The following PIEZO1 variants were observed in gnomAD, a reference collection of about 807,000 sequenced individuals.
PIEZO1 encodes piezo type mechanosensitive ion channel component 1 (Er blood group).
PIEZO1 carries 296 observed loss-of-function variants against 297.2 expected under a neutral mutation model. The ratio of observed to expected loss-of-function variants is 1.00; its 90% CI spans 0.91 to 1.10. The LOEUF (loss-of-function observed/expected upper bound fraction) is 1.10. PIEZO1 is among the 50% of genes least tolerant of loss of function. PIEZO1 has a pLI of 0.00. For missense variants in PIEZO1, 5,018 were observed against 3,455.5 expected (o/e 1.45, Z -11.34); for synonymous variants, 2,427 against 1,507.5 (o/e 1.61, Z -14.13).
At chr16:88,778,547 C>T (rs1163404020) in intron 1 of PIEZO1, among the ~76,000 whole-genome samples, 2 of 152,210 alleles carry the variant, frequency 1.3e-5, no homozygotes, top group African/African-American at 2.4e-5. Context: ...GGCGGGGAAT[C>T]GGGTGGCCAC....
Position 88,785,069 on chromosome 16 carries a change from C to T in PIEZO1, c.-105G>A, listed in dbSNP as rs528241918. On this transcript the variant is annotated 5_prime_UTR_variant, in exon 1 of 51. Coordinates refer to ENST00000301015, the MANE Select transcript of PIEZO1 (RefSeq NM_001142864.4). ...GCGCCATGGCTGACCCGCGGGGACC[C>T]GCGCGCCGCCTTCTCCTCTTCCTCC... 2,119 of 612,084 alleles carry T rather than the reference C, an allele frequency of 3.5e-3. 31 individuals are homozygous for T. In the African/African-American group the frequency reaches 0.036, roughly 10 times the overall value. 37.9% of individuals were successfully genotyped at this position (612,084 alleles called of 1,614,324 possible).
At chr16:88,725,264 A>G (rs542265551) in intron 29 of PIEZO1, among the ~76,000 whole-genome samples, 152 bp downstream of exon 29, 1 of 152,300 alleles carries the variant, frequency 6.6e-6, no homozygotes, top group African/African-American at 2.4e-5. Context: ...CAGGGCGGCC[A>G]TGGGGCCTGC....
In PIEZO1 at chr16:88,736,200, C is replaced by A. The variant is rs767779703; in HGVS notation, c.1505G>T (p.Arg502Leu). ...GCGGGTGTGCTCCAGCCCCAGCTGG[C>A]GCAGGCTGACGGGGCCCAGGGTGGT... is the stretch of plus-strand genomic sequence containing the variant. ...LPTTLGPVSL[R>L]QLGLEHTRYP... The change falls in exon 12 of 51, where the codon CGC (arginine) becomes CTC (leucine). Residue 502 changes from arginine to leucine, a missense_variant. Coordinates refer to ENST00000301015, the MANE Select transcript of PIEZO1 (RefSeq NM_001142864.4). 1 of 1,549,548 alleles carries A rather than the reference C, an allele frequency of 6.5e-7. No homozygotes were observed. Among genetic ancestry groups the A allele is most frequent in the South Asian group, 1.2e-5 (1 of 84,020 alleles).
In PIEZO1 at chr16:88,722,632, T is replaced by C; in HGVS notation, c.4726A>G (p.Thr1576Ala). 5 of 1,538,534 alleles carry C rather than the reference T, an allele frequency of 3.2e-6. No individual in the cohort carries two copies. Among genetic ancestry groups the C allele is most frequent in the Non-Finnish European group, 4.4e-6 (5 of 1,146,032 alleles). The part of the protein sequence containing the change: ...DQLYTSQAEA[T>A]LPGPTEAPNA... Reference sequence around the variant, plus strand: ...GGGGCCTCGGTGGGGCCTGGCAGCGTGGCCTCGGCCTGGCTTGTGTACAGC... The same window carrying C: ...GGGGCCTCGGTGGGGCCTGGCAGCGCGGCCTCGGCCTGGCTTGTGTACAGC... Residue 1576 changes from threonine to alanine, a missense_variant, in exon 35 of 51, where the codon ACG becomes GCG. Physicochemically the swap from Thr to Ala is moderately conservative, Grantham distance 58. Coordinates refer to ENST00000301015, the MANE Select transcript of PIEZO1 (RefSeq NM_001142864.4).
Position 88,722,631 on chromosome 16 carries a change from G to T in PIEZO1, c.4727C>A (p.Thr1576Lys). The change falls in exon 35 of 51, where the codon ACG becomes AAG. Residue 1576 changes from threonine (T) to lysine (K), a missense_variant. Thr to Lys is a moderately conservative substitution (Grantham distance 78, BLOSUM62 -1). Coordinates refer to ENST00000301015, the MANE Select transcript of PIEZO1 (RefSeq NM_001142864.4). ...DQLYTSQAEA[T>K]LPGPTEAPNA... Reference sequence around the variant, plus strand: ...GGGGGCCTCGGTGGGGCCTGGCAGCGTGGCCTCGGCCTGGCTTGTGTACAG... The same window carrying T: ...GGGGGCCTCGGTGGGGCCTGGCAGCTTGGCCTCGGCCTGGCTTGTGTACAG... 1.3e-6 allele frequency: 2 copies of T among 1,538,394 alleles called. No homozygotes were observed. Among genetic ancestry groups the T allele is most frequent in the Admixed American group, 2.0e-5 (1 of 50,878 alleles).
intron 22 of PIEZO1, among the ~76,000 whole-genome samples, chr16:88,730,914 G>A (rs192625021): frequency 2.6e-5 from 4 of 152,230 alleles, no homozygotes; most frequent in African/African-American, 9.6e-5. Flanking sequence ...AGTCTGTTTC[G>A]TAAAACCACA....
At chr16:88,742,645 G>A in intron 2 of PIEZO1, 1 of 535,336 alleles carries the variant, frequency 1.9e-6, no homozygotes, top group Non-Finnish European at 3.3e-6. Context: ...CCTGGGGGTG[G>A]CAGCAGGATG....
chr16:88,716,155 T>C (rs1162736834), intron 49 of PIEZO1, 36 bp from the exon 50 acceptor site: 3 of 1,524,922 alleles, frequency 2.0e-6, no homozygotes, highest in South Asian at 1.2e-5. Context: ...AGGCCGCAGG[T>C]CACCCCTCTC....
rs1322564625 is a variant in PIEZO1 at position 88,725,661 on chromosome 16, G to A, written c.3992C>T (p.Ala1331Val). Residue 1331 changes from alanine (A) to valine (V), a missense_variant, in exon 28 of 51, where the codon GCC becomes GTC. Physicochemically the swap from Ala to Val is moderately conservative, Grantham distance 64 (BLOSUM62 0). Coordinates refer to ENST00000301015, the MANE Select transcript of PIEZO1 (RefSeq NM_001142864.4). ...GTGAAAGTCAATGCTCTTGAGGTTG[G>A]CAGCGTTGTAGAGGGCGAAGCCCCT... ...ASRGFALYNA[A>V]NLKSIDFHRR... 5 of 1,548,052 alleles carry A rather than the reference G, an allele frequency of 3.2e-6. No individual in the cohort carries two copies. Among genetic ancestry groups the A allele is most frequent in the Non-Finnish European group, 4.4e-6 (5 of 1,144,820 alleles).
intron 2 of PIEZO1, chr16:88,743,967 G>C (rs1216281768): frequency 2.2e-5 from 6 of 278,928 alleles, no homozygotes; most frequent in African/African-American, 1.1e-4. Flanking sequence ...CCACCACCAG[G>C]GGGTGCTGTG....
At chr16:88,770,245 C>T (rs1567693823) in intron 1 of PIEZO1, among the ~76,000 whole-genome samples, 1 of 152,212 alleles carries the variant, frequency 6.6e-6, no homozygotes, top group South Asian at 2.1e-4. Flanking sequence ...TGGCAGGCGG[C>T]TCCCAGGACG....
chr16:88,723,410 GCCAGAT>G lies in PIEZO1; in HGVS notation c.4336-88_4336-83del, dbSNP rs1448633122. ...GAAGCTGGGGTTGGGCAAGCCGGGCGCCAGATCCAGATCCCTGCTCTGTGTCTCCCA... is the reference window on the plus strand; with the variant it reads ...GAAGCTGGGGTTGGGCAAGCCGGGCGCCAGATCCCTGCTCTGTGTCTCCCA... On this transcript the variant is annotated intron_variant, in intron 31 of 50. Transcript: ENST00000301015. 28 of 1,463,900 alleles carry G rather than the reference GCCAGAT, an allele frequency of 1.9e-5. No individual in the cohort carries two copies. In the South Asian group the frequency reaches 3.1e-4, roughly 16 times the overall value. 90.7% of individuals were successfully genotyped at this position (1,463,900 alleles called of 1,614,324 possible).
At chr16:88,746,601 G>C (rs1906070813) in intron 2 of PIEZO1, among the ~76,000 whole-genome samples, 1 of 152,190 alleles carries the variant, frequency 6.6e-6, no homozygotes, top group Non-Finnish European at 1.5e-5. Flanking sequence ...CCCAGCAGCT[G>C]CACAAATCAT....
intron 2 of PIEZO1, among the ~76,000 whole-genome samples, chr16:88,747,308 G>T (rs1035887463): frequency 6.6e-6 from 1 of 151,766 alleles, no homozygotes; most frequent in Admixed American, 6.5e-5. Context: ...CTGAGGTCAG[G>T]AGTTCAAGAC....
chr16:88,721,100 C>T (rs775434225), intron 39 of PIEZO1, 66 bp downstream of exon 39: 2 of 1,402,678 alleles, frequency 1.4e-6, no homozygotes, highest in East Asian at 2.5e-5. Context: ...TGAGAAAGAC[C>T]CTCCCTGCAG....
intron 13 of PIEZO1, 22 bp downstream of exon 13, chr16:88,735,113 C>T: frequency 1.9e-6 from 3 of 1,549,786 alleles, no homozygotes; most frequent in Non-Finnish European, 2.6e-6. Flanking sequence ...AGGGCAACCC[C>T]CGCCTCTGGC....
In PIEZO1 at chr16:88,720,242, G is replaced by T; in HGVS notation, c.5991C>A (p.Asp1997Glu). 1 of 1,550,520 alleles carries T rather than the reference G, an allele frequency of 6.4e-7. No homozygotes were observed. Among genetic ancestry groups the T allele is most frequent in the Non-Finnish European group, 8.7e-7 (1 of 1,146,972 alleles). ...CCAGGAAAGCCTCGGGTACCTGGTC[G>T]TCTGATAGGGAGGACGTGATGTCTG... is the stretch of plus-strand genomic sequence containing the variant. ...AATDITSSLS[D>E]DQVPEAFLVM... Residue 1997 changes from aspartate (D) to glutamate (E), a missense_variant, in exon 42 of 51, where the codon GAC becomes GAA. By Grantham distance (45) the Asp-to-Glu change is conservative. Transcript: ENST00000301015.
rs547492040 is a variant in PIEZO1, at chr16:88,743,478, A to AG, written c.161-1057dup. On this transcript the variant is annotated intron_variant, in intron 2 of 50. Transcript: ENST00000301015. Reference sequence around the variant, plus strand: ...TCAGGCCCTTCTCACAACTTCCTGGAGCTCAGGGACAGGTAGCATCTGGGT... The same window carrying AG: ...TCAGGCCCTTCTCACAACTTCCTGGAGGCTCAGGGACAGGTAGCATCTGGGT... 8.7e-4 allele frequency: 392 copies of AG among 449,296 alleles called. 1 individual carries two copies. Among genetic ancestry groups the AG allele is most frequent in the Middle Eastern group, 2.0e-3 (6 of 3,042 alleles). 27.8% of individuals were successfully genotyped at this position (449,296 alleles called of 1,614,324 possible).
Position 88,732,752 on chromosome 16 carries a change from C to A in PIEZO1, c.2665-20G>T. The A allele has an allele frequency of 6.5e-7, 1 of 1,530,358 alleles. No homozygotes were observed. 94.8% of individuals were successfully genotyped at this position (1,530,358 alleles called of 1,614,324 possible). A position where few individuals can be genotyped will look rare whatever the true frequency, so the allele number is the denominator to read the frequency against. ...GAAGGGCTGGCAAGAGGCCAGGCAT[C>A]AGTGCCCCCTCCCAGGCCACAGTGC... On this transcript the variant is annotated intron_variant, in intron 19 of 50. Coordinates refer to ENST00000301015, the MANE Select transcript of PIEZO1 (RefSeq NM_001142864.4).
Sources: gnomAD v4.1 joint callset for allele counts (sites outside exome capture counted in the v4.1 genomes callset) on GRCh38, gnomAD v4.1.1 for gene constraint, MANE v1.5 for transcripts, NCBI Gene and HGNC (gene_info 2026-07-23, HGNC 2026-07-21) for gene names.